Variants in SLIT1 observed in about 807,000 individuals in gnomAD.
SLIT1 encodes the protein slit homolog 1 protein.
In SLIT1, 66 loss-of-function variants were observed where a neutral mutation model predicts 186.1. The ratio of observed to expected loss-of-function variants is 0.35; its 90% CI spans 0.29 to 0.44. SLIT1 has a LOEUF of 0.44. Ranked by LOEUF, SLIT1 falls within the 20% of genes least tolerant of loss-of-function variation. The pLI is 1.00. For missense variants in SLIT1, 1,638 were observed against 2,037.4 expected, an observed-to-expected ratio of 0.80 and a Z score of 3.77; for synonymous variants, 761 against 833.8, an observed-to-expected ratio of 0.91 and a Z score of 1.50.
At chr10:97,073,189 A>G (rs1265380748) in intron 4 of SLIT1, among the ~76,000 whole-genome samples, 1 of 152,124 alleles carries the variant, frequency 6.6e-6, no homozygotes, top group African/African-American at 2.4e-5. Context: ...AATAAAGTTT[A>G]TCATGTCTTC....
chr10:97,171,565 A>G (rs917369963), intron 1 of SLIT1, among the ~76,000 whole-genome samples: 14 of 152,202 alleles, frequency 9.2e-5, no homozygotes, highest in Non-Finnish European at 2.1e-4. Flanking sequence ...CATGCCTGTA[A>G]TCCCAGGACT....
intron 4 of SLIT1, among the ~76,000 whole-genome samples, chr10:97,150,181 T>C (rs1238532183): frequency 6.6e-6 from 1 of 152,134 alleles, no homozygotes; most frequent in East Asian, 1.9e-4. Flanking sequence ...CGTTCTCGTG[T>C]GCTGGTGTCT....
intron 1 of SLIT1, among the ~76,000 whole-genome samples, chr10:97,176,940 C>T (rs376736883): frequency 8.5e-5 from 13 of 152,286 alleles, no homozygotes; most frequent in African/African-American, 3.1e-4. Context: ...TGTGAGTCCT[C>T]GAAGGATGTG....
chr10:97,116,467 C>A (rs1488512356), intron 4 of SLIT1, among the ~76,000 whole-genome samples: 4 of 152,098 alleles, frequency 2.6e-5, no homozygotes, highest in Admixed American at 6.5e-5. Flanking sequence ...ATGAGGAGCA[C>A]CCCCTACCCA....
chr10:97,037,990 G>A (rs749728330), intron 21 of SLIT1, among the ~76,000 whole-genome samples: 2 of 152,114 alleles, frequency 1.3e-5, no homozygotes, highest in Non-Finnish European at 2.9e-5. Context: ...CAATAGTCAC[G>A]TGGCCTCTCT....
chr10:97,116,897 C>A (rs933189646), intron 4 of SLIT1, among the ~76,000 whole-genome samples: 42 of 152,282 alleles, frequency 2.8e-4, no homozygotes, highest in African/African-American at 9.9e-4. Context: ...CACTCCTGCC[C>A]ACCCCCTCCT....
At chr10:97,033,616 G>T (rs1044692668) in intron 23 of SLIT1, among the ~76,000 whole-genome samples, 2 of 152,124 alleles carry the variant, frequency 1.3e-5, no homozygotes, top group African/African-American at 4.8e-5. Flanking sequence ...GGCATGAATG[G>T]ATCTCATAGA....
At chr10:97,158,589 G>A (rs1849983228) in intron 3 of SLIT1, among the ~76,000 whole-genome samples, 1 of 149,428 alleles carries the variant, frequency 6.7e-6, no homozygotes, top group Non-Finnish European at 1.5e-5. Context: ...TTGAACTCAG[G>A]AGACGGAGGT....
chr10:97,005,369 G>A (rs1452856027), intron 32 of SLIT1, among the ~76,000 whole-genome samples: 1 of 152,228 alleles, frequency 6.6e-6, no homozygotes, highest in African/African-American at 2.4e-5. Context: ...CTAAGATGCT[G>A]TAGGAGCCAT....
Position 97,000,911 on chromosome 10 carries a change from C to G in SLIT1, c.*201G>C. On this transcript the variant is annotated 3_prime_UTR_variant, in exon 37 of 37. Coordinates refer to ENST00000266058, the MANE Select transcript of SLIT1 (RefSeq NM_003061.3). ...GGAGAGGGCAGCCCGCAGCTCAGGC[C>G]TCGCCCACCCCCGCTGCCCCCAGCT... is the stretch of plus-strand genomic sequence containing the variant. 1.7e-6 allele frequency: 1 copy of G among 592,250 alleles called. No individual in the cohort carries two copies. The highest frequency in any genetic ancestry group is 2.8e-5 in the East Asian group (1 of 35,958). The allele number at this position is 592,250 out of a possible 1,614,324, so 36.7% of individuals were successfully genotyped here. A position where few individuals can be genotyped will look rare whatever the true frequency, so the allele number is the denominator to read the frequency against.
At chr10:97,078,530 A>G (rs1342743042) in intron 4 of SLIT1, among the ~76,000 whole-genome samples, 1 of 152,230 alleles carries the variant, frequency 6.6e-6, no homozygotes, top group Non-Finnish European at 1.5e-5. Flanking sequence ...TATCAGGGGC[A>G]CATCCCACAA....
At chr10:97,110,265 G>T (rs1392582233) in intron 4 of SLIT1, among the ~76,000 whole-genome samples, 1 of 152,110 alleles carries the variant, frequency 6.6e-6, no homozygotes, top group Non-Finnish European at 1.5e-5. Context: ...TTTGCAAAAT[G>T]ATTTGCTAAG....
In SLIT1 at chr10:97,158,878, A is replaced by AG. The variant is rs1319971144; in HGVS notation, c.342-990dup. On this transcript the variant is annotated intron_variant, in intron 3 of 36. Coordinates refer to ENST00000266058, the MANE Select transcript of SLIT1 (RefSeq NM_003061.3). ...GCAACAGAGTGAGACTCTGTCTCAGAGAAGAAAAAAAAAGCATGTCAAATG... is the reference window on the plus strand; with the variant it reads ...GCAACAGAGTGAGACTCTGTCTCAGAGGAAGAAAAAAAAAGCATGTCAAATG... Among the ~76,000 whole-genome samples the AG allele has an allele frequency of 3.3e-5, 5 of 150,988 alleles. No individual in the cohort carries two copies. In the East Asian group the frequency reaches 9.7e-4, roughly 29 times the overall value.
Position 97,059,602 on chromosome 10 carries a change from C to T in SLIT1, c.1014-71G>A, listed in dbSNP as rs551757942. Reference sequence around the variant, plus strand: ...GCCACTAAGCCCTGCCCAGTCCCCTCCACCTCCTAGATGTCACAGGAGCAG... The same window carrying T: ...GCCACTAAGCCCTGCCCAGTCCCCTTCACCTCCTAGATGTCACAGGAGCAG... On this transcript the variant is annotated intron_variant, in intron 10 of 36. Transcript: ENST00000266058. The T allele has an allele frequency of 2.1e-4, 240 of 1,143,208 alleles. 4 individuals are homozygous for T. The South Asian group carries it at 2.8e-3, about 13-fold the overall frequency. The allele number at this position is 1,143,208 out of a possible 1,614,324, so 70.8% of individuals were successfully genotyped here.
chr10:97,002,141 G>A lies in SLIT1; in HGVS notation c.4366+17C>T. ...GGGGGACCCTGGGGAGGGCACGTCA[G>A]GAGGGGGGCCCCTGACCTTGCTCAC... On this transcript the variant is annotated intron_variant, in intron 36 of 36. Transcript: ENST00000266058. 7.0e-7 allele frequency: 1 copy of A among 1,422,736 alleles called. No individual in the cohort carries two copies. The highest frequency in any genetic ancestry group is 9.3e-7 in the Non-Finnish European group (1 of 1,080,108). 88.1% of individuals were successfully genotyped at this position (1,422,736 alleles called of 1,614,324 possible). A position where few individuals can be genotyped will look rare whatever the true frequency, so the allele number is the denominator to read the frequency against.
At chr10:97,155,965 A>C (rs915656215) in intron 4 of SLIT1, among the ~76,000 whole-genome samples, 1 of 152,186 alleles carries the variant, frequency 6.6e-6, no homozygotes, top group Non-Finnish European at 1.5e-5. Context: ...GACCACATAG[A>C]CCAGTGCATG....
rs1455064396 is a variant in SLIT1 at position 97,185,647 on chromosome 10, A to G, written c.28T>C (p.Ser10Pro). The G allele has an allele frequency of 2.6e-6, 4 of 1,543,298 alleles. No individual in the cohort carries two copies. The East Asian group carries it at 7.4e-5, about 29-fold the overall frequency. Residue 10 changes from serine (S) to proline (P), a missense_variant, in exon 1 of 37, where the codon TCG becomes CCG. This residue lies in a region of SLIT1 where 1,245 missense variants were observed against 1,535.3 expected (regional missense o/e 0.81). Transcript: ENST00000266058. ...AGCTCCGGCCGGACCGGCCCCGCCG[A>G]GGACCCCCACCCGGGAGTCAGCGCC... MALTPGWGS[S>P]AGPVRPELWL...
rs770775599 is a variant in SLIT1, at chr10:97,014,180, GGA to G, written c.2970-24_2970-23del. The G allele has an allele frequency of 7.4e-6, 12 of 1,611,652 alleles. 1 individual carries two copies. The South Asian group carries it at 1.3e-4, about 18-fold the overall frequency. ...GCACCTGTGCGGGGAAGGGGAGGAT[GGA>G]GAGACAGCCCTCTTGGAACACTGGT... On this transcript the variant is annotated intron_variant, in intron 28 of 36. Coordinates refer to ENST00000266058, the MANE Select transcript of SLIT1 (RefSeq NM_003061.3).
intron 1 of SLIT1, among the ~76,000 whole-genome samples, chr10:97,173,522 A>G (rs922417569): frequency 1.6e-5 from 2 of 128,526 alleles, no homozygotes; most frequent in Non-Finnish European, 3.2e-5. Context: ...TTTTTAACAC[A>G]GGGTCTCACT....
Sources: gnomAD v4.1 joint callset for allele counts (sites outside exome capture counted in the v4.1 genomes callset) on GRCh38, gnomAD v4.1.1 for gene constraint, gnomAD v4.1.1 regional missense constraint, MANE v1.5 for transcripts, NCBI Gene and HGNC (gene_info 2026-07-23, HGNC 2026-07-21) for gene names.